The following DACT2 variants were observed in gnomAD, a reference collection of about 807,000 sequenced individuals.
DACT2 encodes the protein dapper homolog 2.
A neutral mutation model predicts 22.2 loss-of-function variants in DACT2; 20 were observed. That is an observed-to-expected ratio of 0.90 (90% CI 0.63 to 1.31). The LOEUF is 1.31. DACT2 is among the 50% of genes most tolerant of loss of function. The pLI, the probability that DACT2 is intolerant of heterozygous loss-of-function variation, is 0.00. For synonymous variants in DACT2, 463 were observed against 479.8 expected (o/e 0.96, Z 0.46); for missense variants, 1,048 against 1,061.4 (o/e 0.99, Z 0.18).
chr6:168,307,568 G>A lies in DACT2; in HGVS notation c.2189C>T (p.Thr730Ile). Residue 730 changes from threonine to isoleucine, a missense_variant, in exon 4 of 4, where the codon ACC (threonine) becomes ATC (isoleucine). Physicochemically the swap from Thr to Ile is moderately conservative, Grantham distance 89. Transcript: ENST00000366795. The surrounding 1 kb of genome is among the most constrained non-coding windows in gnomAD (Gnocchi z 5.3). Reference sequence around the variant, plus strand: ...CCCCGAGCTGACCGGGGCCTCCTGGGTCCAGGCCAGCTCCGCATGCCCGGC... The same window carrying A: ...CCCCGAGCTGACCGGGGCCTCCTGGATCCAGGCCAGCTCCGCATGCCCGGC... ...VAAGHAELAW[T>I]QEAPVSSGPL... 6.4e-7 allele frequency: 1 copy of A among 1,550,902 alleles called. No individual in the cohort carries two copies. The highest frequency in any genetic ancestry group is 2.4e-5 in the East Asian group (1 of 40,868).
intron 1 of DACT2, among the ~76,000 whole-genome samples, chr6:168,318,337 G>A (rs903731262): frequency 1.3e-5 from 2 of 152,260 alleles, no homozygotes; most frequent in African/African-American, 2.4e-5. Context: ...AGGAGATAAC[G>A]GGGAACCTGG....
At chr6:168,314,724 G>A (rs1330680125) in intron 1 of DACT2, among the ~76,000 whole-genome samples, 1 of 152,148 alleles carries the variant, frequency 6.6e-6, no homozygotes, top group East Asian at 1.9e-4. Flanking sequence ...TCAGGATATG[G>A]AGATGGGATC....
At chr6:168,294,917 C>T (rs1177537147) in intron 3 of DACT2, among the ~76,000 whole-genome samples, 1 of 152,152 alleles carries the variant, frequency 6.6e-6, no homozygotes, top group Admixed American at 6.5e-5. Flanking sequence ...AATACACATC[C>T]TGACAAGTTG....
downstream of DACT2, among the ~76,000 whole-genome samples, chr6:168,305,055 T>TGAGAGAGG (rs1283535199): frequency 4.2e-4 from 64 of 151,470 alleles, no homozygotes; most frequent in Non-Finnish European, 6.6e-4. Context: ...AGAGAGAGCA[T>TGAGAGAGG]GAGAGAGGGA....
At chr6:168,311,597 T>TACAC (rs764745810) in intron 1 of DACT2, among the ~76,000 whole-genome samples, 1,454 of 100,440 alleles carry the variant, frequency 0.014, 30 homozygotes, top group Middle Eastern at 0.046. Flanking sequence ...CACACACACA[T>TACAC]ACACACACAC....
chr6:168,307,932 A>G lies in DACT2; in HGVS notation c.1825T>C (p.Trp609Arg). ...TSVARRKHRRWQSTVEISARA... is the reference protein window; with the variant it reads ...TSVARRKHRRRQSTVEISARA... ...GCCGAGATCTCCACGGTGGACTGCC[A>G]GCGGCGATGCTTCCTCCTGGCCACT... The change falls in exon 4 of 4, where the codon TGG becomes CGG. Residue 609 changes from tryptophan (W) to arginine (R), a missense_variant. Trp to Arg is a moderately radical substitution (Grantham distance 101). Coordinates refer to ENST00000366795, the MANE Select transcript of DACT2 (RefSeq NM_214462.5). This position sits in a 1 kb window ranked among gnomAD's most constrained non-coding sequence, Gnocchi z 5.3. 1 of 1,547,824 alleles carries G rather than the reference A, an allele frequency of 6.5e-7. No individual in the cohort carries two copies. Among genetic ancestry groups the G allele is most frequent in the Non-Finnish European group, 8.7e-7 (1 of 1,146,824 alleles).
At position 168,319,601 on chromosome 6, in the gene DACT2, C is replaced by A; in HGVS notation, c.33G>T (p.Ala11=). Residue 11 remains alanine, a synonymous_variant, in exon 1 of 4, where the codon GCG becomes GCT. Transcript: ENST00000366795. The part of the protein sequence containing the change: MWTPGGPPGS[A]GWDRRRLGAR... The stretch of plus-strand genomic sequence containing the variant: ...CGCCCAACCTACGGCGGTCCCAGCC[C>A]GCGGACCCCGGGGGTCCGCCCGGCG... The A allele has an allele frequency of 7.5e-7, 1 of 1,341,710 alleles. No homozygotes were observed. Among genetic ancestry groups the A allele is most frequent in the South Asian group, 1.7e-5 (1 of 57,818 alleles). 83.1% of individuals were successfully genotyped at this position (1,341,710 alleles called of 1,614,324 possible).
intron 1 of DACT2, among the ~76,000 whole-genome samples, chr6:168,314,661 C>T (rs961388043): frequency 1.3e-5 from 2 of 152,202 alleles, no homozygotes; most frequent in African/African-American, 4.8e-5. Context: ...GTCCAGACAT[C>T]GCAACACCTT....
intron 2 of DACT2, 48 bp downstream of exon 2, chr6:168,311,104 G>A: frequency 6.7e-7 from 1 of 1,483,952 alleles, no homozygotes; most frequent in Middle Eastern, 2.2e-4. Flanking sequence ...ACCTCTGCCT[G>A]TGCTGCGTGC....
chr6:168,303,403 C>A (rs78580741), downstream of DACT2, among the ~76,000 whole-genome samples: 121 of 152,278 alleles, frequency 7.9e-4, 5 homozygotes, highest in East Asian at 0.016. Flanking sequence ...TCCCTCAGAG[C>A]TAAGTGAGTT....
intron 3 of DACT2, chr6:168,299,347 C>G (rs2114894772): frequency 6.6e-6 from 1 of 152,300 alleles, no homozygotes; most frequent in African/African-American, 2.4e-5. Context: ...TGTGATCTTT[C>G]TGAGATGAAC....
rs1779301487 is a variant in DACT2, at chr6:168,308,658, T to G, written c.1099A>C (p.Arg367=). The G allele has an allele frequency of 6.5e-7, 1 of 1,544,810 alleles. No individual in the cohort carries two copies. Among genetic ancestry groups the G allele is most frequent in the Non-Finnish European group, 8.7e-7 (1 of 1,146,942 alleles). Residue 367 remains arginine, a synonymous_variant, in exon 4 of 4, where the codon AGG becomes CGG. Transcript: ENST00000366795. ...LRHAASPSPQ[R]QGGWSTDGGG... is the part of the protein sequence containing the mutation. ...CCGTCTGTACTCCAGCCACCCTGCC[T>G]CTGTGGAGATGGGGACGCTGCATGC...
chr6:168,310,607 A>T (rs574141348), intron 2 of DACT2, among the ~76,000 whole-genome samples, 161 bp from the exon 3 acceptor site: 8 of 152,298 alleles, frequency 5.3e-5, no homozygotes, highest in African/African-American at 1.9e-4. Context: ...CCTGGGAGAG[A>T]GTGGCTCAGG....
At chr6:168,315,913 T>A (rs1005056180) in intron 1 of DACT2, among the ~76,000 whole-genome samples, 43 of 152,318 alleles carry the variant, frequency 2.8e-4, no homozygotes, top group Admixed American at 2.0e-3. Context: ...TTCAACACTA[T>A]AGAACTGCTA....
At chr6:168,297,730 G>A (rs148809145) in intron 3 of DACT2, among the ~76,000 whole-genome samples, 181 of 152,344 alleles carry the variant, frequency 1.2e-3, no homozygotes, top group Admixed American at 2.9e-3. Context: ...TCTTGCTTGC[G>A]TGGACAGAAA....
At chr6:168,298,332 T>C (rs756971448) in intron 3 of DACT2, 3 of 152,208 alleles carry the variant, frequency 2.0e-5, no homozygotes, top group Non-Finnish European at 4.4e-5. Flanking sequence ...CCCAGATCCA[T>C]TTGGCGAGGG....
chr6:168,299,798 C>A (rs1053156085), intron 3 of DACT2: 2 of 152,298 alleles, frequency 1.3e-5, no homozygotes, highest in Non-Finnish European at 2.9e-5. Flanking sequence ...CATCGTCGGA[C>A]GGTTCTACAA....
In DACT2 at chr6:168,319,546, G is replaced by T; in HGVS notation, c.88C>A (p.Gln30Lys). ...GTGGCTCGCAGCCCCTGCAGCTCCT[G>T]CAGCCCCGCGAACGCCGCGCGCAAC... The part of the protein sequence containing the change: ...ARLRAAFAGL[Q>K]ELQGLRATQQ... Residue 30 changes from glutamine (Q) to lysine (K), a missense_variant, in exon 1 of 4, where the codon CAG becomes AAG. Transcript: ENST00000366795. 7.3e-7 allele frequency: 1 copy of T among 1,376,770 alleles called. No homozygotes were observed. Among genetic ancestry groups the T allele is most frequent in the Non-Finnish European group, 9.5e-7 (1 of 1,056,962 alleles). 85.3% of individuals were successfully genotyped at this position (1,376,770 alleles called of 1,614,324 possible). A position where few individuals can be genotyped will look rare whatever the true frequency, so the allele number is the denominator to read the frequency against.
downstream of DACT2, among the ~76,000 whole-genome samples, chr6:168,305,063 G>GGA (rs760308613): frequency 1.1e-4 from 16 of 152,178 alleles, no homozygotes; most frequent in African/African-American, 3.6e-4. Flanking sequence ...CATGAGAGAG[G>GGA]GAGAGAGAGA....
Sources: allele counts gnomAD v4.1 joint callset (sites outside exome capture counted in the v4.1 genomes callset), GRCh38; gene constraint gnomAD v4.1.1; non-coding constraint Gnocchi (gnomAD v3.1); transcripts MANE v1.5; gene names NCBI Gene and HGNC (gene_info 2026-07-23, HGNC 2026-07-21).